CTNNA3: variants seen among roughly 807,000 people sequenced by gnomAD.
CTNNA3 encodes catenin alpha-3.
CTNNA3 carries 76 observed loss-of-function variants against 95.7 expected under a neutral mutation model. That is an observed-to-expected ratio of 0.79 (90% confidence interval 0.66 to 0.96). CTNNA3 has a LOEUF of 0.96. CTNNA3 is among the 40% of genes least tolerant of loss of function. The pLI is 0.00. For missense variants in CTNNA3, 1,191 were observed against 1,089.8 expected (o/e 1.09, Z -1.31); for synonymous variants, 431 against 374.4 (o/e 1.15, Z -1.74).
At chr10:67,619,389 G>T (rs76723158) in intron 2 of CTNNA3, among the ~76,000 whole-genome samples, 2 of 151,936 alleles carry the variant, frequency 1.3e-5, no homozygotes, top group Non-Finnish European at 1.5e-5. Context: ...TTCAATAAAT[G>T]GTGCTAGGAA....
chr10:66,998,262 C>A (rs1213125781), intron 7 of CTNNA3, among the ~76,000 whole-genome samples: 5 of 152,090 alleles, frequency 3.3e-5, no homozygotes, highest in South Asian at 2.1e-4. Flanking sequence ...TAAGTGCCTC[C>A]TTACTCTATG....
chr10:66,868,249 C>T (rs1464844911), intron 7 of CTNNA3, among the ~76,000 whole-genome samples: 2 of 150,632 alleles, frequency 1.3e-5, no homozygotes, highest in East Asian at 4.0e-4. Context: ...CCTATAATCC[C>T]AGTTACTCCG....
intron 10 of CTNNA3, among the ~76,000 whole-genome samples, chr10:66,612,435 A>G (rs140922665): frequency 2.0e-5 from 3 of 152,244 alleles, no homozygotes; most frequent in African/African-American, 7.2e-5. Context: ...TTCACTTGGC[A>G]CTAAGGGCTA....
chr10:67,465,533 T>C (rs984476803), intron 5 of CTNNA3, among the ~76,000 whole-genome samples: 1 of 152,042 alleles, frequency 6.6e-6, no homozygotes, highest in Non-Finnish European at 1.5e-5. Context: ...AAATAAATAA[T>C]AGAGGTTTCA....
intron 7 of CTNNA3, among the ~76,000 whole-genome samples, chr10:66,882,082 C>G (rs1844870711): frequency 1.3e-5 from 2 of 151,996 alleles, no homozygotes; most frequent in African/African-American, 4.8e-5. Flanking sequence ...TACAGATTCT[C>G]TACATAGGAC....
chr10:66,472,933 TA>T lies in CTNNA3; in HGVS notation c.1531+47683del, dbSNP rs926975904. On this transcript the variant is annotated intron_variant, in intron 11 of 17. Coordinates refer to ENST00000433211, the MANE Select transcript of CTNNA3 (RefSeq NM_013266.4). ...GCAATCATTCATATAGCCTAAGAGA[TA>T]AAAAAAAGTTTTATAAAATGACATT... Among the ~76,000 whole-genome samples, 140 of 151,920 alleles carry T rather than the reference TA, an allele frequency of 9.2e-4. 1 individual carries two copies. Among genetic ancestry groups the T allele is most frequent in the African/African-American group, 3.1e-3 (128 of 41,482 alleles).
chr10:67,318,971 G>A lies in CTNNA3; in HGVS notation c.580-99101C>T, dbSNP rs143926363. On this transcript the variant is annotated intron_variant, in intron 5 of 17. Coordinates refer to ENST00000433211, the MANE Select transcript of CTNNA3 (RefSeq NM_013266.4). ...TTGGGTTTCAGGAGGGTTTCCACAT[G>A]CCTAGAACTGGTAAGAGTAGCTCAC... 7.2e-5 allele frequency among the ~76,000 whole-genome samples: 11 copies of A among 152,326 alleles called. No homozygotes were observed. In the East Asian group the frequency reaches 1.9e-3, roughly 27 times the overall value.
At chr10:67,405,893 A>C (rs184128004) in intron 5 of CTNNA3, among the ~76,000 whole-genome samples, 1 of 152,336 alleles carries the variant, frequency 6.6e-6, no homozygotes, top group East Asian at 1.9e-4. Flanking sequence ...ATCAAGATTA[A>C]GAAATGCATT....
At chr10:66,578,225 C>A (rs563790372) in intron 10 of CTNNA3, among the ~76,000 whole-genome samples, 2 of 152,090 alleles carry the variant, frequency 1.3e-5, no homozygotes, top group East Asian at 3.9e-4. Flanking sequence ...AGCCTTCTGG[C>A]AGAATCTATG....
chr10:66,646,224 A>T lies in CTNNA3; in HGVS notation c.1282-24440T>A, dbSNP rs1051601851. Among the ~76,000 whole-genome samples the T allele has an allele frequency of 5.3e-5, 8 of 152,152 alleles. 1 individual carries two copies. Among genetic ancestry groups the T allele is most frequent in the Non-Finnish European group, 1.2e-4 (8 of 68,022 alleles). On this transcript the variant is annotated intron_variant, in intron 9 of 17. Transcript: ENST00000433211. ...GGAGGAAGACTAATAAACTAATACA[A>T]TATGAAAAAAATTGATGTGAAAAAA...
At chr10:66,769,604 T>C (rs368503249) in intron 8 of CTNNA3, among the ~76,000 whole-genome samples, 5 of 152,218 alleles carry the variant, frequency 3.3e-5, no homozygotes, top group Non-Finnish European at 5.9e-5. Flanking sequence ...CTTGTGTCTC[T>C]TTGTTATTCT....
chr10:67,215,234 C>G (rs1042351988), intron 6 of CTNNA3, among the ~76,000 whole-genome samples: 118 of 152,200 alleles, frequency 7.8e-4, no homozygotes, highest in African/African-American at 2.7e-3. Flanking sequence ...TTAGATAGCT[C>G]TGCCTGGTCA....
Position 66,346,211 on chromosome 10 carries a change from GTATATATATATATATATA to G in CTNNA3, c.1732+32923_1732+32940del, listed in dbSNP as rs368554085. On this transcript the variant is annotated intron_variant, in intron 12 of 17. Coordinates refer to ENST00000433211, the MANE Select transcript of CTNNA3 (RefSeq NM_013266.4). ...AATTGAATAGTAAGTATGTGTGTGT[GTATATATATATATATATA>G]TATATATATATATATATAGAGAGAG... Among the ~76,000 whole-genome samples the G allele has an allele frequency of 2.5e-3, 263 of 105,478 alleles. 2 individuals are homozygous for G. The highest frequency in any genetic ancestry group is 6.2e-3 in the Middle Eastern group (1 of 162). 69.2% of individuals were successfully genotyped at this position (105,478 alleles called of 152,430 possible). A position where few individuals can be genotyped will look rare whatever the true frequency, so the allele number is the denominator to read the frequency against.
chr10:67,146,552 A>G (rs1408950089), intron 7 of CTNNA3, among the ~76,000 whole-genome samples: 1 of 152,222 alleles, frequency 6.6e-6, no homozygotes, highest in East Asian at 1.9e-4. Flanking sequence ...TGTTCAAAAA[A>G]GAGAGCCAGT....
chr10:66,303,818 C>T (rs1336700659), intron 12 of CTNNA3, among the ~76,000 whole-genome samples: 6 of 152,056 alleles, frequency 3.9e-5, no homozygotes, highest in Non-Finnish European at 2.9e-5. Flanking sequence ...TGGTCTTGAT[C>T]TCCTGACCTC....
intron 7 of CTNNA3, among the ~76,000 whole-genome samples, chr10:66,870,605 T>C (rs756440482): frequency 2.6e-5 from 4 of 152,200 alleles, no homozygotes; most frequent in Non-Finnish European, 4.4e-5. Flanking sequence ...TTGGACTTCA[T>C]AATATTGGTG....
At chr10:67,570,639 T>G (rs536740895) in intron 3 of CTNNA3, among the ~76,000 whole-genome samples, 1 of 152,210 alleles carries the variant, frequency 6.6e-6, no homozygotes, top group Admixed American at 6.5e-5. Context: ...ATACTCACCA[T>G]GTATAAACTG....
At chr10:67,384,014 C>T (rs1844049408) in intron 5 of CTNNA3, among the ~76,000 whole-genome samples, 1 of 151,968 alleles carries the variant, frequency 6.6e-6, no homozygotes. Context: ...ACCATTTACA[C>T]CATTAGATTG....
intron 12 of CTNNA3, among the ~76,000 whole-genome samples, chr10:66,280,887 A>G (rs1174713596): frequency 6.6e-6 from 1 of 151,844 alleles, no homozygotes; most frequent in Non-Finnish European, 1.5e-5. Flanking sequence ...TAAATGTTTT[A>G]AAAGATTATC....
Sources: allele counts gnomAD v4.1 joint callset (sites outside exome capture counted in the v4.1 genomes callset), GRCh38; gene constraint gnomAD v4.1.1; transcripts MANE v1.5; gene names NCBI Gene and HGNC (gene_info 2026-07-23, HGNC 2026-07-21).